The following CDH4 variants were observed in gnomAD, a reference collection of about 807,000 sequenced individuals.
CDH4 encodes cadherin-4.
In CDH4, 33 loss-of-function variants were observed where a neutral mutation model predicts 86.0. The observed-to-expected ratio is 0.38, with a 90% CI of 0.29 to 0.51. CDH4 has a LOEUF of 0.51. CDH4 is among the 20% of genes least tolerant of loss of function. The pLI, the probability that CDH4 is intolerant of heterozygous loss-of-function variation, is 0.86. For synonymous variants in CDH4, 555 were observed against 549.4 expected (o/e 1.01, Z -0.14); for missense variants, 1,114 against 1,307.4 (o/e 0.85, Z 2.28).
chr20:61,640,872 G>A (rs1338056076), intron 2 of CDH4, among the ~76,000 whole-genome samples: 2 of 152,220 alleles, frequency 1.3e-5, no homozygotes, highest in East Asian at 3.8e-4. Flanking sequence ...TTCCGTTTCT[G>A]CTAATAACTC....
At chr20:61,567,544 C>G (rs1268331064) in intron 2 of CDH4, among the ~76,000 whole-genome samples, 1 of 152,244 alleles carries the variant, frequency 6.6e-6, no homozygotes, top group African/African-American at 2.4e-5. Flanking sequence ...CACCTCCTGA[C>G]ATCATCACCT....
At chr20:61,798,743 C>G (rs143820827) in intron 4 of CDH4, among the ~76,000 whole-genome samples, 1 of 152,218 alleles carries the variant, frequency 6.6e-6, no homozygotes, top group Admixed American at 6.5e-5. Flanking sequence ...AGGAGAGGGC[C>G]GGGCCGGCAG....
intron 4 of CDH4, among the ~76,000 whole-genome samples, chr20:61,793,206 C>T (rs1037883129): frequency 6.6e-6 from 1 of 152,022 alleles, no homozygotes; most frequent in Non-Finnish European, 1.5e-5. Flanking sequence ...CTCAAGTGAT[C>T]TGGCCACCTT....
intron 2 of CDH4, among the ~76,000 whole-genome samples, chr20:61,347,205 G>A (rs1399759533): frequency 3.3e-5 from 5 of 152,222 alleles, no homozygotes; most frequent in East Asian, 1.9e-4. Flanking sequence ...CCACATGGCC[G>A]TGAGGCCCTG....
At chr20:61,823,634 C>G (rs1981169185) in intron 4 of CDH4, among the ~76,000 whole-genome samples, 1 of 152,090 alleles carries the variant, frequency 6.6e-6, no homozygotes, top group Non-Finnish European at 1.5e-5. Context: ...GGACTTGAAC[C>G]CAGAGCTCTT....
chr20:61,931,703 C>T (rs753390052), intron 13 of CDH4, among the ~76,000 whole-genome samples: 15 of 152,136 alleles, frequency 9.9e-5, no homozygotes, highest in Non-Finnish European at 2.1e-4. Context: ...CAGATGGGTG[C>T]GCCAGGCTTT....
At chr20:61,398,580 T>C (rs1405324083) in intron 2 of CDH4, among the ~76,000 whole-genome samples, 1 of 152,160 alleles carries the variant, frequency 6.6e-6, no homozygotes, top group Non-Finnish European at 1.5e-5. Flanking sequence ...AATTCCCTCC[T>C]CTTCTAGGGA....
chr20:61,281,713 A>C (rs2084259990), intron 2 of CDH4, among the ~76,000 whole-genome samples: 2 of 152,238 alleles, frequency 1.3e-5, no homozygotes, highest in Admixed American at 6.5e-5. Context: ...CTGACCACAA[A>C]GCAAACACCA....
At chr20:61,374,236 G>A (rs1042656161) in intron 2 of CDH4, among the ~76,000 whole-genome samples, 7 of 152,238 alleles carry the variant, frequency 4.6e-5, no homozygotes, top group African/African-American at 1.4e-4. Context: ...TCTGTGCAGC[G>A]TGACGTGGAG....
chr20:61,883,892 G>A (rs76481324), intron 7 of CDH4, among the ~76,000 whole-genome samples: 2,606 of 152,254 alleles, frequency 0.017, 77 homozygotes, highest in African/African-American at 0.059. Flanking sequence ...AGAAACAGAC[G>A]GACAGACAGA....
intron 2 of CDH4, among the ~76,000 whole-genome samples, chr20:61,312,297 G>A (rs975551671): frequency 1.3e-5 from 2 of 151,172 alleles, no homozygotes; most frequent in African/African-American, 4.9e-5. Context: ...GCATATGTCA[G>A]TGTGTGTATG....
intron 2 of CDH4, among the ~76,000 whole-genome samples, chr20:61,383,693 G>T (rs118038838): frequency 0.14 from 8,664 of 63,746 alleles, 884 homozygotes; most frequent in East Asian, 0.49. Context: ...TATGATATAT[G>T]ATATATATGA....
At chr20:61,565,225 T>C (rs1382839847) in intron 2 of CDH4, among the ~76,000 whole-genome samples, 3 of 29,856 alleles carry the variant, frequency 1.0e-4, no homozygotes, top group Non-Finnish European at 2.3e-4. Context: ...CGGTGGTAGG[T>C]GGTGGTGGTG....
intron 3 of CDH4, among the ~76,000 whole-genome samples, chr20:61,760,223 G>A (rs1423897991): frequency 6.6e-6 from 1 of 152,204 alleles, no homozygotes; most frequent in Non-Finnish European, 1.5e-5. Flanking sequence ...TGGTGGTTAC[G>A]TGGTTTGTGA....
At chr20:61,687,343 C>G (rs1196207806) in intron 2 of CDH4, among the ~76,000 whole-genome samples, 1 of 152,178 alleles carries the variant, frequency 6.6e-6, no homozygotes, top group Non-Finnish European at 1.5e-5. Context: ...AACCTCGTCT[C>G]CCTTGTCAGT....
chr20:61,782,552 A>T (rs2146000156), intron 4 of CDH4, among the ~76,000 whole-genome samples: 1 of 152,352 alleles, frequency 6.6e-6, no homozygotes, highest in Admixed American at 6.5e-5. Flanking sequence ...GACTATTTAA[A>T]GCAAAAGTAC....
intron 2 of CDH4, among the ~76,000 whole-genome samples, chr20:61,658,215 T>G (rs6121449): frequency 0.24 from 36,626 of 151,642 alleles, 5,005 homozygotes; most frequent in African/African-American, 0.37. Context: ...CCATCCTCCC[T>G]TCCAAGTTCC....
chr20:61,610,298 T>C (rs775332155), intron 2 of CDH4, among the ~76,000 whole-genome samples: 14 of 152,232 alleles, frequency 9.2e-5, no homozygotes, highest in Non-Finnish European at 1.6e-4. Context: ...TGACCTCCGG[T>C]TCCATCCATG....
chr20:61,755,126 T>C (rs2088545663), intron 3 of CDH4: 1 of 152,140 alleles, frequency 6.6e-6, no homozygotes, highest in Admixed American at 6.5e-5. Flanking sequence ...GTGAGACTTA[T>C]TCACTATCAC....
Sources: allele counts gnomAD v4.1 joint callset (sites outside exome capture counted in the v4.1 genomes callset), GRCh38; gene constraint gnomAD v4.1.1; transcripts MANE v1.5; gene names NCBI Gene and HGNC (gene_info 2026-07-23, HGNC 2026-07-21).